PPFIA1: variants seen among roughly 807,000 people sequenced by gnomAD.
PPFIA1 encodes PPFI scaffold protein A1, also known as liprin-alpha-1.
Under a neutral mutation model 149.9 loss-of-function variants are expected in PPFIA1, and 25 were observed. The ratio of observed to expected loss-of-function variants is 0.17; its 90% CI spans 0.12 to 0.23. The LOEUF (loss-of-function observed/expected upper bound fraction) is 0.23. PPFIA1 is among the 10% of genes least tolerant of loss of function. PPFIA1 has a pLI of 1.00. For synonymous variants in PPFIA1, 549 were observed against 552.8 expected, an observed-to-expected ratio of 0.99 and a Z score of 0.10; for missense variants, 1,362 against 1,506.5, an observed-to-expected ratio of 0.90 and a Z score of 1.59.
At chr11:70,290,171 A>G (rs1265237810) in intron 2 of PPFIA1, among the ~76,000 whole-genome samples, 1 of 152,212 alleles carries the variant, frequency 6.6e-6, no homozygotes, top group Admixed American at 6.5e-5. Flanking sequence ...TGGAGGTTGC[A>G]GTGATCCAAG....
At chr11:70,274,966 C>T (rs1200267940) in intron 2 of PPFIA1, among the ~76,000 whole-genome samples, 2 of 152,168 alleles carry the variant, frequency 1.3e-5, no homozygotes, top group African/African-American at 4.8e-5. Context: ...TGGATTTCTA[C>T]AAAGAAGTGG....
intron 2 of PPFIA1, among the ~76,000 whole-genome samples, chr11:70,306,012 T>C (rs1447863586): frequency 1.3e-5 from 2 of 152,204 alleles, no homozygotes; most frequent in African/African-American, 4.8e-5. Flanking sequence ...ATAAATGGAT[T>C]ATTTTTCAAG....
chr11:70,298,346 C>G, intron 2 of PPFIA1, among the ~76,000 whole-genome samples: 1 of 152,180 alleles, frequency 6.6e-6, no homozygotes, highest in African/African-American at 2.4e-5. Flanking sequence ...CGGAAAGAAT[C>G]TACATTCCAA....
chr11:70,296,564 C>T (rs897184581), intron 2 of PPFIA1, among the ~76,000 whole-genome samples: 5 of 151,808 alleles, frequency 3.3e-5, no homozygotes, highest in African/African-American at 4.8e-5. Context: ...CGCCTGCAAT[C>T]GCAGGCACTC....
intron 14 of PPFIA1, 82 bp downstream of exon 14, chr11:70,339,388 A>G: frequency 1.3e-6 from 2 of 1,490,436 alleles, no homozygotes; most frequent in Non-Finnish European, 1.8e-6. Flanking sequence ...TTGGGATAAA[A>G]ATGTTGATAG....
chr11:70,323,873 G>A (rs573991789), intron 2 of PPFIA1, among the ~76,000 whole-genome samples: 6 of 152,298 alleles, frequency 3.9e-5, no homozygotes, highest in Middle Eastern at 3.4e-3. Context: ...CTACTTGGGA[G>A]GGTCACTTGA....
rs1437745396 is a variant in PPFIA1 at position 70,362,459 on chromosome 11, A to G, written c.2836A>G (p.Ser946Gly). The change falls in exon 21 of 28, where the codon AGC becomes GGC. Residue 946 changes from serine to glycine, a missense_variant. This residue lies in a region of PPFIA1 where 349 missense variants were observed against 373.3 expected (regional missense o/e 0.93). Coordinates refer to ENST00000253925, the MANE Select transcript of PPFIA1 (RefSeq NM_003626.5). Reference protein sequence around the residue: ...LAIQEIMSLTSPSAPPTSRTT... With the variant: ...LAIQEIMSLTGPSAPPTSRTT... ...CATCCAGGAGATCATGTCGCTGACC[A>G]GCCCGTCTGCCCCGCCCACATCTAG... The G allele has an allele frequency of 2.5e-6, 4 of 1,613,856 alleles. No homozygotes were observed. The highest frequency in any genetic ancestry group is 4.5e-5 in the East Asian group (2 of 44,890).
intron 14 of PPFIA1, chr11:70,342,130 C>G (rs879316793): frequency 6.6e-6 from 1 of 152,576 alleles, no homozygotes; most frequent in Non-Finnish European, 1.5e-5. Context: ...TGGTTTCTGC[C>G]GTGGTGTTTT....
intron 21 of PPFIA1, among the ~76,000 whole-genome samples, chr11:70,368,782 A>T (rs1480522168): frequency 3.3e-5 from 5 of 152,186 alleles, no homozygotes; most frequent in Admixed American, 1.3e-4. Context: ...TACACTGATA[A>T]TTTTGTCATC....
At chr11:70,373,127 A>T (rs1466208801) in intron 23 of PPFIA1, among the ~76,000 whole-genome samples, 1 of 152,200 alleles carries the variant, frequency 6.6e-6, no homozygotes, top group Non-Finnish European at 1.5e-5. Flanking sequence ...GCGTTAGAGG[A>T]TGTGAGACAT....
intron 26 of PPFIA1, among the ~76,000 whole-genome samples, chr11:70,381,443 G>A (rs866252459): frequency 6.6e-6 from 1 of 152,182 alleles, no homozygotes; most frequent in South Asian, 2.1e-4. Context: ...TTTCTGGTAG[G>A]AACTGAGACT....
intron 2 of PPFIA1, among the ~76,000 whole-genome samples, chr11:70,275,098 A>G (rs937907904): frequency 6.6e-6 from 1 of 152,184 alleles, no homozygotes; most frequent in African/African-American, 2.4e-5. Context: ...GCTCTTCAGC[A>G]CTTGGTATTG....
At chr11:70,376,461 C>G in intron 24 of PPFIA1, 71 bp from the exon 25 acceptor site, 1 of 1,457,400 alleles carries the variant, frequency 6.9e-7, no homozygotes, top group South Asian at 1.2e-5. Context: ...GTTTAAAAAA[C>G]AATTACGATG....
Position 70,354,331 on chromosome 11 carries a change from G to C in PPFIA1, c.2194G>C (p.Asp732His), listed in dbSNP as rs749835491. The C allele has an allele frequency of 1.2e-6, 2 of 1,613,906 alleles. No individual in the cohort carries two copies. Among genetic ancestry groups the C allele is most frequent in the Admixed American group, 3.3e-5 (2 of 59,994 alleles). ...LPPSREEVRD[D>H]KTTIKCETSP... Reference sequence around the variant, plus strand: ...ACCTTCCAGAGAAGAGGTACGAGATGACAAGACAACCATAAAGTGTGAAAC... The same window carrying C: ...ACCTTCCAGAGAAGAGGTACGAGATCACAAGACAACCATAAAGTGTGAAAC... Residue 732 changes from aspartate (D) to histidine (H), a missense_variant, in exon 17 of 28, where the codon GAC (aspartate) becomes CAC (histidine). This residue lies in a region of PPFIA1 where 733 missense variants were observed against 744.1 expected (regional missense o/e 0.99). Coordinates refer to ENST00000253925, the MANE Select transcript of PPFIA1 (RefSeq NM_003626.5).
intron 21 of PPFIA1, among the ~76,000 whole-genome samples, chr11:70,369,015 C>G (rs2057098095): frequency 6.6e-6 from 1 of 151,184 alleles, no homozygotes; most frequent in African/African-American, 2.4e-5. Flanking sequence ...TTCTCAAACT[C>G]CTGACCTCAA....
chr11:70,339,209 C>T lies in PPFIA1; in HGVS notation c.1610C>T (p.Pro537Leu), dbSNP rs780969851. The change falls in exon 14 of 28, where the codon CCC becomes CTC. Residue 537 changes from proline to leucine, a missense_variant. By Grantham distance (98) the Pro-to-Leu change is moderately conservative. Around this residue, in one of 7 missense-constraint regions of PPFIA1, gnomAD observed 733 missense variants for 744.1 expected, o/e 0.99. Coordinates refer to ENST00000253925, the MANE Select transcript of PPFIA1 (RefSeq NM_003626.5). ...GGCAGTGTCCCAGATTTCAGGTTCCCCATGGCAGACGGCCACACAGACTCC... is the reference window on the plus strand; with the variant it reads ...GGCAGTGTCCCAGATTTCAGGTTCCTCATGGCAGACGGCCACACAGACTCC... ...HLGSVPDFRF[P>L]MADGHTDSYS... 3 of 1,614,162 alleles carry T rather than the reference C, an allele frequency of 1.9e-6. No individual in the cohort carries two copies.
At chr11:70,309,190 A>G (rs1313774106) in intron 2 of PPFIA1, among the ~76,000 whole-genome samples, 4 of 151,430 alleles carry the variant, frequency 2.6e-5, no homozygotes, top group Non-Finnish European at 5.9e-5. Context: ...TTTTTTTTGA[A>G]ATGGAGTCTT....
intron 2 of PPFIA1, among the ~76,000 whole-genome samples, chr11:70,292,112 C>G (rs923469625): frequency 2.0e-5 from 3 of 152,112 alleles, no homozygotes; most frequent in Non-Finnish European, 4.4e-5. Context: ...GCTAGGATTA[C>G]AGGCGTGAGC....
chr11:70,374,063 A>G (rs1162929868), intron 23 of PPFIA1: 1 of 152,240 alleles, frequency 6.6e-6, no homozygotes, highest in Non-Finnish European at 1.5e-5. Context: ...AGCAAATTGA[A>G]TAATTTGTTA....
Sources: gnomAD v4.1 joint callset for allele counts (sites outside exome capture counted in the v4.1 genomes callset) on GRCh38, gnomAD v4.1.1 for gene constraint, gnomAD v4.1.1 regional missense constraint, MANE v1.5 for transcripts, NCBI Gene and HGNC (gene_info 2026-07-23, HGNC 2026-07-21) for gene names.